TNFRSF8: variants seen among roughly 807,000 people sequenced by gnomAD.
TNFRSF8 encodes the protein TNF receptor superfamily member 8, also known as tumor necrosis factor receptor superfamily member 8.
In TNFRSF8, 26 loss-of-function variants were observed where a neutral mutation model predicts 70.8. The observed-to-expected ratio is 0.37, with a 90% CI of 0.27 to 0.51. The LOEUF (loss-of-function observed/expected upper bound fraction) is 0.51, where lower values mean the gene tolerates loss of function less well. Among genes scored for constraint, TNFRSF8 ranks in the 20% least tolerant of loss-of-function variants. The pLI is 0.94. For synonymous variants in TNFRSF8, 356 were observed against 339.2 expected, an observed-to-expected ratio of 1.05 and a Z score of -0.54; for missense variants, 720 against 807.9, an observed-to-expected ratio of 0.89 and a Z score of 1.32.
intron 1 of TNFRSF8, chr1:12,078,028 G>C (rs557571987): frequency 6.6e-6 from 1 of 152,326 alleles, no homozygotes; most frequent in Non-Finnish European, 1.5e-5. Context: ...AGCCATCTGA[G>C]GGTCTTCAAT....
chr1:12,125,314 C>A (rs868803178), intron 10 of TNFRSF8, among the ~76,000 whole-genome samples: 1 of 152,232 alleles, frequency 6.6e-6, no homozygotes, highest in African/African-American at 2.4e-5. Context: ...GCAGTCCCCC[C>A]GGCCTGGCCT....
At chr1:12,124,422 G>A (rs1404586270) in intron 10 of TNFRSF8, among the ~76,000 whole-genome samples, 1 of 152,180 alleles carries the variant, frequency 6.6e-6, no homozygotes, top group Non-Finnish European at 1.5e-5. Flanking sequence ...TCATGACTTT[G>A]ACTAGTTGTT....
In TNFRSF8 at chr1:12,140,289, C is replaced by T. The variant is rs146261436; in HGVS notation, c.1543+1853C>T. ...GAGGTTCTCTTGGGCACCCAAGACA[C>T]AGGCAACCCCCTTGTCCTCCTAATG... On this transcript the variant is annotated intron_variant, in intron 14 of 14. Coordinates refer to ENST00000263932, the MANE Select transcript of TNFRSF8 (RefSeq NM_001243.5). 8.1e-3 allele frequency among the ~76,000 whole-genome samples: 1,231 copies of T among 152,300 alleles called. 10 individuals carry two copies. The highest frequency in any genetic ancestry group is 0.028 in the African/African-American group (1,179 of 41,562).
chr1:12,071,558 G>A (rs188649104), intron 1 of TNFRSF8, among the ~76,000 whole-genome samples: 1 of 152,178 alleles, frequency 6.6e-6, no homozygotes, highest in Non-Finnish European at 1.5e-5. Flanking sequence ...CTTGGTCCCT[G>A]GCCCTGCATC....
intron 10 of TNFRSF8, among the ~76,000 whole-genome samples, chr1:12,124,270 A>C (rs1450658094): frequency 6.6e-6 from 1 of 151,892 alleles, no homozygotes; most frequent in Non-Finnish European, 1.5e-5. Flanking sequence ...CAGCCTCCCA[A>C]AGTGCTAGGA....
rs576165859 is a variant in TNFRSF8 at position 12,088,748 on chromosome 1, G to A, written c.151+4197G>A. ...TGTCCCAGGAGCTGAGGGTTCCTCC[G>A]AAGGCTGTGAACAGGAAGGAGGAGG... On this transcript the variant is annotated intron_variant, in intron 2 of 14. Transcript: ENST00000263932. This position sits in a 1 kb window ranked among gnomAD's most constrained non-coding sequence, Gnocchi z 4.0. Among the ~76,000 whole-genome samples the A allele has an allele frequency of 2.8e-4, 43 of 152,362 alleles. No homozygotes were observed. The highest frequency in any genetic ancestry group is 1.4e-3 in the South Asian group (7 of 4,830).
In TNFRSF8 at chr1:12,109,690, C is replaced by G; in HGVS notation, c.512+34C>G. ...CTGGCTTTGCCTCCTCCTCTTCCCC[C>G]AAGCTGGCTTTCAGATGAGGCTGCC... is the stretch of plus-strand genomic sequence containing the variant. On this transcript the variant is annotated intron_variant, in intron 5 of 14. Coordinates refer to ENST00000263932, the MANE Select transcript of TNFRSF8 (RefSeq NM_001243.5). This position sits in a 1 kb window ranked among gnomAD's most constrained non-coding sequence, Gnocchi z 4.4. 1 of 1,583,144 alleles carries G rather than the reference C, an allele frequency of 6.3e-7. No homozygotes were observed. Among genetic ancestry groups the G allele is most frequent in the Non-Finnish European group, 8.7e-7 (1 of 1,153,538 alleles).
At position 12,109,930 on chromosome 1, in the gene TNFRSF8, A is replaced by C. The variant is rs1026133013; in HGVS notation, c.513-111A>C. ...AGCTTACAGTGGGCCCGCCAGAGGC[A>C]GTGGGCCAAGGGCCTGGGACCCCAT... On this transcript the variant is annotated intron_variant, in intron 5 of 14. Transcript: ENST00000263932. This position sits in a 1 kb window ranked among gnomAD's most constrained non-coding sequence, Gnocchi z 4.4. 1 of 1,338,784 alleles carries C rather than the reference A, an allele frequency of 7.5e-7. No homozygotes were observed. Among genetic ancestry groups the C allele is most frequent in the African/African-American group, 1.5e-5 (1 of 68,136 alleles). 82.9% of individuals were successfully genotyped at this position (1,338,784 alleles called of 1,614,324 possible). A position where few individuals can be genotyped will look rare whatever the true frequency, so the allele number is the denominator to read the frequency against.
At chr1:12,080,230 T>G (rs539107020) in intron 1 of TNFRSF8, 3 of 514,008 alleles carry the variant, frequency 5.8e-6, no homozygotes, top group African/African-American at 3.9e-5. Flanking sequence ...ATTACAGGCA[T>G]GAGCCACCGT....
At chr1:12,094,872 C>A (rs757663557) in intron 2 of TNFRSF8, among the ~76,000 whole-genome samples, 2 of 151,926 alleles carry the variant, frequency 1.3e-5, no homozygotes, top group Non-Finnish European at 2.9e-5. Flanking sequence ...ATGATCCATG[C>A]GCCTCGGCCT....
chr1:12,098,902 T>C (rs1641373303), intron 3 of TNFRSF8, among the ~76,000 whole-genome samples: 1 of 152,234 alleles, frequency 6.6e-6, no homozygotes, highest in Non-Finnish European at 1.5e-5. Flanking sequence ...AATTTTACTT[T>C]GTCATAATCT....
intron 6 of TNFRSF8, among the ~76,000 whole-genome samples, chr1:12,111,337 A>G (rs1243757037): frequency 6.6e-6 from 1 of 151,796 alleles, no homozygotes; most frequent in Non-Finnish European, 1.5e-5. Context: ...GCCTGCCACC[A>G]CATTTGGCTA....
chr1:12,084,425 G>C, intron 1 of TNFRSF8, 39 bp from the exon 2 acceptor site: 3 of 1,579,870 alleles, frequency 1.9e-6, no homozygotes, highest in Middle Eastern at 1.7e-4. Flanking sequence ...ATGGATATCT[G>C]GGATCCACCT....
intron 8 of TNFRSF8, among the ~76,000 whole-genome samples, chr1:12,117,348 G>A (rs1641750786): frequency 1.3e-5 from 2 of 152,202 alleles, no homozygotes. Flanking sequence ...CTCCCAAAGT[G>A]CTGGGATTAC....
chr1:12,074,955 AT>A lies in TNFRSF8; in HGVS notation c.64-9507del, dbSNP rs1640912586. Among the ~76,000 whole-genome samples the A allele has an allele frequency of 5.9e-5, 9 of 152,190 alleles. No homozygotes were observed. The South Asian group carries it at 1.9e-3, about 32-fold the overall frequency. ...AGGCACATGCCACCATGCCCAGCTA[AT>A]TAAAAAAAAATTTTGTTAGGCCGGG... On this transcript the variant is annotated intron_variant, in intron 1 of 14. Transcript: ENST00000263932.
At chr1:12,104,714 C>T (rs114687887) in intron 4 of TNFRSF8, among the ~76,000 whole-genome samples, 183 bp downstream of exon 4, 1 of 152,336 alleles carries the variant, frequency 6.6e-6, no homozygotes, top group South Asian at 2.1e-4. Context: ...TGCCCTCCCC[C>T]ACCTTGTGTT....
rs367923517 is a variant in TNFRSF8 at position 12,085,812 on chromosome 1, C to T, written c.151+1261C>T. Among the ~76,000 whole-genome samples, 13 of 152,326 alleles carry T rather than the reference C, an allele frequency of 8.5e-5. 1 individual carries two copies. The East Asian group carries it at 2.1e-3, about 25-fold the overall frequency. On this transcript the variant is annotated intron_variant, in intron 2 of 14. Transcript: ENST00000263932. ...GGAATAGGGTCATGAGGCATTTCTG[C>T]CCCTGTGGTTATTATCAAAAGTCCC...
Position 12,123,204 on chromosome 1 carries a change from C to G in TNFRSF8, c.947-80C>G. ...CACGGTGTTGCCTCGCTGGAAGCCA[C>G]CAGTCCCTGCTGGTTAACTCTTTCC... On this transcript the variant is annotated intron_variant, in intron 8 of 14. Coordinates refer to ENST00000263932, the MANE Select transcript of TNFRSF8 (RefSeq NM_001243.5). The G allele has an allele frequency of 4.0e-6, 5 of 1,262,836 alleles. No individual in the cohort carries two copies. In the South Asian group the frequency reaches 7.0e-5, roughly 18 times the overall value. The allele number at this position is 1,262,836 out of a possible 1,614,324, so 78.2% of individuals were successfully genotyped here.
intron 1 of TNFRSF8, among the ~76,000 whole-genome samples, chr1:12,078,820 C>G (rs902583682): frequency 6.6e-6 from 1 of 152,208 alleles, no homozygotes; most frequent in African/African-American, 2.4e-5. Flanking sequence ...GAAAGCAAAC[C>G]GTTCCAGCAT....
Sources: gnomAD v4.1 joint callset for allele counts (sites outside exome capture counted in the v4.1 genomes callset) on GRCh38, gnomAD v4.1.1 for gene constraint, Gnocchi (gnomAD v3.1) non-coding constraint, MANE v1.5 for transcripts, NCBI Gene and HGNC (gene_info 2026-07-23, HGNC 2026-07-21) for gene names.